Variants in VWDE observed in about 807,000 individuals in gnomAD.
VWDE encodes von Willebrand factor D and EGF domain-containing protein.
In VWDE, 207 loss-of-function variants were observed where a neutral mutation model predicts 178.4. The ratio of observed to expected loss-of-function variants is 1.16; its 90% CI spans 1.04 to 1.30. The LOEUF (loss-of-function observed/expected upper bound fraction) is 1.30, where lower values mean the gene tolerates loss of function less well. VWDE is among the 50% of genes most tolerant of loss of function. VWDE has a pLI of 0.00. For synonymous variants in VWDE, 738 were observed against 651.4 expected (o/e 1.13, Z -2.02); for missense variants, 2,287 against 1,901.3 (o/e 1.20, Z -3.77).
chr7:12,392,795 T>G (rs1784445406), intron 2 of VWDE, among the ~76,000 whole-genome samples: 2 of 130,602 alleles, frequency 1.5e-5, no homozygotes, highest in Non-Finnish European at 1.6e-5. Flanking sequence ...GAACGTTACG[T>G]AAAGTTAAGT....
At chr7:12,374,176 G>C (rs1783381358) in intron 9 of VWDE, among the ~76,000 whole-genome samples, 1 of 152,034 alleles carries the variant, frequency 6.6e-6, no homozygotes, top group Non-Finnish European at 1.5e-5. Context: ...AAATAGTTTA[G>C]ATTACTTTTT....
At position 12,393,769 on chromosome 7, in the gene VWDE, C is replaced by G. The variant is rs1228192791; in HGVS notation, c.68G>C (p.Cys23Ser). 1.3e-6 allele frequency: 2 copies of G among 1,546,180 alleles called. No homozygotes were observed. Among genetic ancestry groups the G allele is most frequent in the Admixed American group, 2.0e-5 (1 of 50,040 alleles). The change falls in exon 2 of 29, where the codon TGC becomes TCC. Residue 23 changes from cysteine (C) to serine (S), a missense_variant. Transcript: ENST00000275358. The stretch of plus-strand genomic sequence containing the variant: ...AAGAAACTGGTGTCCCCCAGGAGAG[C>G]ACTCCTGAGCTAGTATGGAAAGACA... ...MFLAWGEAQECSPGGHQFLRS... is the reference protein window; with the variant it reads ...MFLAWGEAQESSPGGHQFLRS...
At chr7:12,344,059 G>T in intron 21 of VWDE, 136 bp downstream of exon 21, 1 of 513,228 alleles carries the variant, frequency 1.9e-6, no homozygotes, top group Non-Finnish European at 3.4e-6. Context: ...ATTTTAAAAT[G>T]TAGAGTCCTA....
rs1205058067 is a variant in VWDE, at chr7:12,393,642, T to C, written c.195A>G (p.Arg65=). The change falls in exon 2 of 29, where the codon AGA becomes AGG. Residue 65 remains arginine (R), a synonymous_variant. Coordinates refer to ENST00000275358, the MANE Select transcript of VWDE (RefSeq NM_001135924.3). ...CDHSLSPGWY[R]FLILDRPAEM... ...CGGCAGGTCTGTCAAGGATGAGAAATCTATACCATCCAGGGGAGAGGGAAT... is the reference window on the plus strand; with the variant it reads ...CGGCAGGTCTGTCAAGGATGAGAAACCTATACCATCCAGGGGAGAGGGAAT... The C allele has an allele frequency of 1.3e-6, 2 of 1,551,056 alleles. No homozygotes were observed. Among genetic ancestry groups the C allele is most frequent in the Admixed American group, 2.0e-5 (1 of 50,956 alleles).
At chr7:12,389,579 A>G (rs1206959326) in intron 2 of VWDE, among the ~76,000 whole-genome samples, 1 of 152,208 alleles carries the variant, frequency 6.6e-6, no homozygotes, top group Non-Finnish European at 1.5e-5. Context: ...TACACATTCA[A>G]TGTAAATATT....
Position 12,359,638 on chromosome 7 carries a change from T to C in VWDE, c.3214A>G (p.Thr1072Ala), listed in dbSNP as rs1252268188. 1.9e-6 allele frequency: 3 copies of C among 1,550,590 alleles called. No individual in the cohort carries two copies. The highest frequency in any genetic ancestry group is 2.5e-5 in the East Asian group (1 of 40,782). Reference sequence around the variant, plus strand: ...GGTCTACAAATCAAACAAGGGCTGGTTGGATTTTTGTCTCCTTCAACATAG... The same window carrying C: ...GGTCTACAAATCAAACAAGGGCTGGCTGGATTTTTGTCTCCTTCAACATAG... ...LCYVEGDKNP[T>A]SPCLICRPKI... The change falls in exon 16 of 29, where the codon ACC becomes GCC. Residue 1072 changes from threonine (T) to alanine (A), a missense_variant. Transcript: ENST00000275358.
intron 1 of VWDE, 73 bp downstream of exon 1, chr7:12,403,586 A>G (rs1390519997): frequency 1.4e-6 from 2 of 1,411,750 alleles, no homozygotes; most frequent in Admixed American, 2.5e-5. Context: ...TCGTCCAAAA[A>G]GTCTAGCCTA....
In VWDE at chr7:12,342,694, T is replaced by C. The variant is rs201333070; in HGVS notation, c.4174+389A>G. On this transcript the variant is annotated intron_variant, in intron 22 of 28. Transcript: ENST00000275358. Reference sequence around the variant, plus strand: ...CTATTATTATGATTATTATTATTATTATTATACTTCAAGTTTTAGGGTACA... The same window carrying C: ...CTATTATTATGATTATTATTATTATCATTATACTTCAAGTTTTAGGGTACA... 2.6e-5 allele frequency among the ~76,000 whole-genome samples: 4 copies of C among 151,734 alleles called. No homozygotes were observed. In the East Asian group the frequency reaches 7.7e-4, roughly 29 times the overall value.
intron 4 of VWDE, among the ~76,000 whole-genome samples, chr7:12,381,279 C>T (rs1317674363): frequency 5.3e-5 from 8 of 152,040 alleles, no homozygotes; most frequent in African/African-American, 1.9e-4. Flanking sequence ...GAAGTTTCCT[C>T]TAAGAACTCA....
chr7:12,396,864 G>A (rs1784650807), intron 1 of VWDE, among the ~76,000 whole-genome samples: 1 of 152,152 alleles, frequency 6.6e-6, no homozygotes, highest in Admixed American at 6.5e-5. Flanking sequence ...GAACCCAGGA[G>A]ATGGAAGTTG....
In VWDE at chr7:12,359,692, C is replaced by G. The variant is rs573576488; in HGVS notation, c.3160G>C (p.Glu1054Gln). 1.0e-4 allele frequency: 158 copies of G among 1,526,150 alleles called. 2 individuals carry two copies. The South Asian group carries it at 1.9e-3, about 18-fold the overall frequency. 94.5% of individuals were successfully genotyped at this position (1,526,150 alleles called of 1,614,324 possible). ...AGTCCATCAATAATGCAAACATTTT[C>G]CTAATGGAAAATTTTTAAAAAAGAA... Reference protein sequence around the residue: ...LYKNDSCTIKENVCIIDGLCY... With the variant: ...LYKNDSCTIKQNVCIIDGLCY... Residue 1054 changes from glutamate to glutamine, a missense_variant and splice_region_variant, in exon 16 of 29, where the codon GAA (glutamate) becomes CAA (glutamine). By Grantham distance (29) the Glu-to-Gln change is conservative (BLOSUM62 2). Coordinates refer to ENST00000275358, the MANE Select transcript of VWDE (RefSeq NM_001135924.3).
chr7:12,374,704 A>T lies in VWDE; in HGVS notation c.1301T>A (p.Ile434Asn). Residue 434 changes from isoleucine to asparagine, a missense_variant, in exon 9 of 29, where the codon ATT (isoleucine) becomes AAT (asparagine). Ile to Asn is a moderately radical substitution (Grantham distance 149). Coordinates refer to ENST00000275358, the MANE Select transcript of VWDE (RefSeq NM_001135924.3). ...AGAAAATTACCTGCCATCAAATGTA[A>T]TTATATGTGGGTCAGTAAATGTATA... The part of the protein sequence containing the change: ...YCYTFTDPHI[I>N]TFDGRVYDNF... The T allele has an allele frequency of 1.3e-6, 2 of 1,536,770 alleles. No individual in the cohort carries two copies. The highest frequency in any genetic ancestry group is 1.8e-6 in the Non-Finnish European group (2 of 1,141,490).
chr7:12,368,314 A>C (rs1782972516), intron 12 of VWDE, among the ~76,000 whole-genome samples: 1 of 151,690 alleles, frequency 6.6e-6, no homozygotes, highest in African/African-American at 2.4e-5. Context: ...TATATTAACT[A>C]TATTAAGAGA....
At chr7:12,349,072 G>A (rs1242103988) in intron 19 of VWDE, among the ~76,000 whole-genome samples, 10 of 152,170 alleles carry the variant, frequency 6.6e-5, no homozygotes. Flanking sequence ...TCTGGGGCCT[G>A]TTGTGCGGTG....
chr7:12,385,675 G>A (rs1401995074), intron 3 of VWDE, among the ~76,000 whole-genome samples: 1 of 152,188 alleles, frequency 6.6e-6, no homozygotes, highest in Non-Finnish European at 1.5e-5. Flanking sequence ...AGTAGATTAA[G>A]TGACTGTCAT....
At chr7:12,344,098 T>C (rs966796214) in intron 21 of VWDE, 97 bp downstream of exon 21, 43 of 886,814 alleles carry the variant, frequency 4.8e-5, no homozygotes, top group Middle Eastern at 4.9e-4. Context: ...TATTTTAATA[T>C]ATACACAGTA....
intron 10 of VWDE, 30 bp from the exon 11 acceptor site, chr7:12,370,894 A>G: frequency 6.8e-7 from 1 of 1,462,170 alleles, no homozygotes; most frequent in Non-Finnish European, 9.1e-7. Context: ...ACAGAAATAA[A>G]AGATGTTGAA....
Position 12,389,132 on chromosome 7 carries a change from G to A in VWDE, c.470C>T (p.Ala157Val), listed in dbSNP as rs199964998. 25 of 1,541,924 alleles carry A rather than the reference G, an allele frequency of 1.6e-5. No homozygotes were observed. Among genetic ancestry groups the A allele is most frequent in the Middle Eastern group, 1.7e-4 (1 of 5,992 alleles). Residue 157 changes from alanine (A) to valine (V), a missense_variant, in exon 3 of 29, where the codon GCG (alanine) becomes GTG (valine). Ala to Val is a moderately conservative substitution (Grantham distance 64). Coordinates refer to ENST00000275358, the MANE Select transcript of VWDE (RefSeq NM_001135924.3). Reference sequence around the variant, plus strand: ...AATTACTGGTGTTTTCTTACCTTCCGCACAGTAGCCCATACATCCCTGAGT... The same window carrying A: ...AATTACTGGTGTTTTCTTACCTTCCACACAGTAGCCCATACATCCCTGAGT... ...QPTQGCMGYC[A>V]EAISDARLHP...
intron 16 of VWDE, among the ~76,000 whole-genome samples, chr7:12,359,274 A>G (rs1317320668): frequency 1.3e-5 from 2 of 152,178 alleles, no homozygotes; most frequent in Admixed American, 1.3e-4. Context: ...TGCTGAATCC[A>G]TGGCCTTTGA....
Sources: gnomAD v4.1 joint callset for allele counts (sites outside exome capture counted in the v4.1 genomes callset) on GRCh38, gnomAD v4.1.1 for gene constraint, MANE v1.5 for transcripts, NCBI Gene and HGNC (gene_info 2026-07-23, HGNC 2026-07-21) for gene names.